Variants in MTR observed in about 807,000 individuals in gnomAD.
The protein encoded by MTR is 5-methyltetrahydrofolate-homocysteine methyltransferase.
MTR carries 84 observed loss-of-function variants against 154.8 expected under a neutral mutation model. The ratio of observed to expected loss-of-function variants is 0.54; its 90% confidence interval spans 0.45 to 0.65. The LOEUF (loss-of-function observed/expected upper bound fraction) is 0.65, where lower values mean the gene tolerates loss of function less well. Among genes scored for constraint, MTR ranks in the 30% least tolerant of loss-of-function variants. The probability of loss-of-function intolerance (pLI) is 0.00; values close to 1 mark genes in which losing one functional copy is unlikely to be tolerated. For synonymous variants in MTR, 554 were observed against 553.9 expected, an observed-to-expected ratio of 1.00 and a Z score of 0.00; for missense variants, 1,275 against 1,570.2, an observed-to-expected ratio of 0.81 and a Z score of 3.18.
intron 18 of MTR, among the ~76,000 whole-genome samples, chr1:236,857,800 G>C (rs1664289504): frequency 6.6e-6 from 1 of 152,192 alleles, no homozygotes; most frequent in African/African-American, 2.4e-5. Flanking sequence ...GGGAGATTCT[G>C]ACCCCAAACT....
At chr1:236,897,308 A>ATGCGCGCGCGCGCGCGCACGCGCG (rs57608445) in intron 32 of MTR, among the ~76,000 whole-genome samples, 190 bp downstream of exon 32, 1 of 131,456 alleles carries the variant, frequency 7.6e-6, no homozygotes, top group African/African-American at 3.0e-5. Flanking sequence ...AGCCACACAC[A>ATGCGCGCGCGCGCGCGCACGCGCG]CGCACACACA....
intron 8 of MTR, chr1:236,820,048 C>G: frequency 1.2e-6 from 1 of 816,998 alleles, no homozygotes. Context: ...ATGGAGGCAT[C>G]TTTATGTTAA....
intron 22 of MTR, among the ~76,000 whole-genome samples, chr1:236,871,844 T>A (rs1017170037): frequency 1.3e-5 from 2 of 152,090 alleles, no homozygotes; most frequent in Admixed American, 1.3e-4. Context: ...GTTTTTTTTT[T>A]AACTTTTTTT....
At chr1:236,847,750 T>C (rs1663665099) in intron 15 of MTR, among the ~76,000 whole-genome samples, 1 of 152,166 alleles carries the variant, frequency 6.6e-6, no homozygotes, top group Non-Finnish European at 1.5e-5. Flanking sequence ...GGTGAGGTGT[T>C]ACTATTATAA....
At chr1:236,871,225 T>A (rs1665110954) in intron 22 of MTR, among the ~76,000 whole-genome samples, 1 of 152,000 alleles carries the variant, frequency 6.6e-6, no homozygotes, top group African/African-American at 2.4e-5. Context: ...GAAAATGGAG[T>A]CCAAGCTTCA....
rs750164666 is a variant in MTR, at chr1:236,795,683, G to T, written c.-21G>T. ...ACGTCTTCTCTGCCGCGCCCTCTGC[G>T]CAAGGAGGAGACTCGACAACATGTC... On this transcript the variant is annotated 5_prime_UTR_variant, in exon 1 of 33. Transcript: ENST00000366577. 6.2e-7 allele frequency: 1 copy of T among 1,613,978 alleles called. No individual in the cohort carries two copies. The highest frequency in any genetic ancestry group is 1.3e-5 in the African/African-American group (1 of 75,080).
chr1:236,874,915 A>C, intron 24 of MTR, 69 bp downstream of exon 24: 4 of 1,551,236 alleles, frequency 2.6e-6, no homozygotes, highest in Non-Finnish European at 3.5e-6. Context: ...AAACAGTGGG[A>C]AACCTGTGTT....
intron 9 of MTR, among the ~76,000 whole-genome samples, chr1:236,824,981 T>C (rs761310604): frequency 7.2e-5 from 11 of 152,136 alleles, no homozygotes; most frequent in Non-Finnish European, 1.6e-4. Context: ...TCAAAGGTTA[T>C]GTAGTATTCC....
At chr1:236,871,944 C>T (rs1665158479) in intron 22 of MTR, among the ~76,000 whole-genome samples, 1 of 151,958 alleles carries the variant, frequency 6.6e-6, no homozygotes, top group Admixed American at 6.5e-5. Flanking sequence ...CAGCGTTCAG[C>T]ACCCATTGTT....
At chr1:236,886,429 T>TA (rs1666014566) in intron 27 of MTR, 62 bp downstream of exon 27, 1 of 1,496,822 alleles carries the variant, frequency 6.7e-7, no homozygotes, top group Non-Finnish European at 9.3e-7. Flanking sequence ...GCTGAGGAAA[T>TA]ACATGCATTT....
At chr1:236,822,132 T>A (rs1322393728) in intron 8 of MTR, among the ~76,000 whole-genome samples, 1 of 152,156 alleles carries the variant, frequency 6.6e-6, no homozygotes, top group African/African-American at 2.4e-5. Flanking sequence ...TGAATATAGA[T>A]CAAGGGTGAG....
chr1:236,879,351 A>G (rs1183851956), intron 24 of MTR, among the ~76,000 whole-genome samples: 1 of 152,240 alleles, frequency 6.6e-6, no homozygotes, highest in Admixed American at 6.5e-5. Flanking sequence ...GGTGTTTCTT[A>G]AAAATACAAT....
Position 236,806,215 on chromosome 1 carries a change from C to G in MTR, c.321C>G (p.Asp107Glu). Reference sequence around the variant, plus strand: ...GCAGCACTAGTATTGCCCAAGCTGACTATGGCCTTGAACACTTGGTAAGAA... The same window carrying G: ...GCAGCACTAGTATTGCCCAAGCTGAGTATGGCCTTGAACACTTGGTAAGAA... ...TFSSTSIAQA[D>E]YGLEHLAYRM... The change falls in exon 3 of 33, where the codon GAC becomes GAG. Residue 107 changes from aspartate (D) to glutamate (E), a missense_variant. Physicochemically the swap from Asp to Glu is conservative, Grantham distance 45. Coordinates refer to ENST00000366577, the MANE Select transcript of MTR (RefSeq NM_000254.3). The G allele has an allele frequency of 6.2e-7, 1 of 1,613,940 alleles. No individual in the cohort carries two copies. The highest frequency in any genetic ancestry group is 8.5e-7 in the Non-Finnish European group (1 of 1,179,806).
At chr1:236,885,042 A>G in intron 25 of MTR, 79 bp from the exon 26 acceptor site, 1 of 874,902 alleles carries the variant, frequency 1.1e-6, no homozygotes, top group Non-Finnish European at 1.9e-6. Flanking sequence ...GCCTTCCTGA[A>G]GGAGGTGTTA....
At chr1:236,830,536 G>A (rs548574175) in intron 12 of MTR, among the ~76,000 whole-genome samples, 3 of 152,344 alleles carry the variant, frequency 2.0e-5, no homozygotes, top group Non-Finnish European at 2.9e-5. Flanking sequence ...GACATCAAAT[G>A]TGCTGTTTAA....
At chr1:236,886,422 G>T in intron 27 of MTR, 55 bp downstream of exon 27, 2 of 1,536,082 alleles carry the variant, frequency 1.3e-6, no homozygotes, top group Non-Finnish European at 9.0e-7. Flanking sequence ...ACAGTGTGCT[G>T]AGGAAATACA....
chr1:236,820,588 A>T (rs1180726643), intron 8 of MTR: 12 of 109,374 alleles, frequency 1.1e-4, no homozygotes, highest in South Asian at 8.2e-4. Flanking sequence ...TCAGTTTCTT[A>T]AAAAAAAAAA....
rs1663833614 is a variant in MTR, at chr1:236,850,461, A to G, written c.1633A>G (p.Thr545Ala). 2 of 1,613,666 alleles carry G rather than the reference A, an allele frequency of 1.2e-6. No homozygotes were observed. Among genetic ancestry groups the G allele is most frequent in the Admixed American group, 1.7e-5 (1 of 59,950 alleles). Reference sequence around the variant, plus strand: ...TGACCCTAATATCCTAACCATTGGGACTGGAATGGAGGAACACAACTTGTA... The same window carrying G: ...TGACCCTAATATCCTAACCATTGGGGCTGGAATGGAGGAACACAACTTGTA... Reference protein sequence around the residue: ...IFDPNILTIGTGMEEHNLYAI... With the variant: ...IFDPNILTIGAGMEEHNLYAI... The change falls in exon 16 of 33, where the codon ACT (threonine) becomes GCT (alanine). Residue 545 changes from threonine (T) to alanine (A), a missense_variant. Physicochemically the swap from Thr to Ala is moderately conservative, Grantham distance 58. Coordinates refer to ENST00000366577, the MANE Select transcript of MTR (RefSeq NM_000254.3).
chr1:236,852,904 A>C, intron 17 of MTR, 44 bp from the exon 18 acceptor site: 1 of 1,610,808 alleles, frequency 6.2e-7, no homozygotes, highest in Non-Finnish European at 8.5e-7. Flanking sequence ...TCGCTGACTT[A>C]AGGTATCACT....
Sources: gnomAD v4.1 joint callset for allele counts (sites outside exome capture counted in the v4.1 genomes callset) on GRCh38, gnomAD v4.1.1 for gene constraint, MANE v1.5 for transcripts, NCBI Gene and HGNC (gene_info 2026-07-23, HGNC 2026-07-21) for gene names.